AEBP2: variants seen among roughly 807,000 people sequenced by gnomAD.
AEBP2 encodes AE binding protein 2.
In AEBP2, 10 loss-of-function variants were observed where a neutral mutation model predicts 50.8. That is an observed-to-expected ratio of 0.20 (90% CI 0.12 to 0.33). The LOEUF is 0.33. Among genes scored for constraint, AEBP2 ranks in the 10% least tolerant of loss-of-function variants. AEBP2 has a pLI of 1.00. For missense variants in AEBP2, 570 were observed against 688.0 expected, an observed-to-expected ratio of 0.83 and a Z score of 1.92; for synonymous variants, 296 against 261.3, an observed-to-expected ratio of 1.13 and a Z score of -1.28.
intron 5 of AEBP2, among the ~76,000 whole-genome samples, chr12:19,503,335 GTGTGTGTGTGTA>G: frequency 6.6e-6 from 1 of 151,858 alleles, no homozygotes; most frequent in African/African-American, 2.4e-5. Context: ...CTTGGTGTGT[GTGTGTGTGTGTA>G]TGTGTGTGTG....
chr12:19,514,498 G>A (rs1300750061), intron 6 of AEBP2, among the ~76,000 whole-genome samples, 173 bp from the exon 7 acceptor site: 1 of 152,150 alleles, frequency 6.6e-6, no homozygotes, highest in Non-Finnish European at 1.5e-5. Context: ...TCTTATCTGG[G>A]ACTCCAAGTC....
chr12:19,459,204 T>G (rs369747292), intron 1 of AEBP2, among the ~76,000 whole-genome samples: 12 of 152,276 alleles, frequency 7.9e-5, no homozygotes, highest in African/African-American at 2.9e-4. Flanking sequence ...CATTTCAGGG[T>G]TAAGGGCCTC....
At chr12:19,455,311 C>A (rs1453441814) in intron 1 of AEBP2, among the ~76,000 whole-genome samples, 1 of 152,100 alleles carries the variant, frequency 6.6e-6, no homozygotes, top group African/African-American at 2.4e-5. Context: ...ATTTCAATAG[C>A]CCTTTAAGAT....
In AEBP2 at chr12:19,440,380, C is replaced by T. The variant is rs1947930349; in HGVS notation, c.671+10C>T. On this transcript the variant is annotated intron_variant, in intron 1 of 7. Transcript: ENST00000266508. ...TGGACTCGGAGGACAGGTCAGTGCT[C>T]TGAAGCGTTTCCCCTTCCCTTCCTC... The T allele has an allele frequency of 1.4e-6, 2 of 1,475,030 alleles. No individual in the cohort carries two copies. Among genetic ancestry groups the T allele is most frequent in the African/African-American group, 2.8e-5 (2 of 70,806 alleles). The allele number at this position is 1,475,030 out of a possible 1,614,324, so 91.4% of individuals were successfully genotyped here. A position where few individuals can be genotyped will look rare whatever the true frequency, so the allele number is the denominator to read the frequency against.
At chr12:19,460,372 C>A (rs556892406) in intron 1 of AEBP2, among the ~76,000 whole-genome samples, 1 of 152,032 alleles carries the variant, frequency 6.6e-6, no homozygotes, top group Non-Finnish European at 1.5e-5. Flanking sequence ...GACAGAGTCT[C>A]GCTCTGTCGC....
intron 1 of AEBP2, chr12:19,404,336 G>A (rs1441704100): frequency 6.6e-6 from 1 of 152,294 alleles, no homozygotes; most frequent in Non-Finnish European, 1.5e-5. Flanking sequence ...CAACAGCTGG[G>A]TAGGGTTAAG....
intron 1 of AEBP2, among the ~76,000 whole-genome samples, chr12:19,412,016 C>T (rs771127488): frequency 2.0e-5 from 3 of 152,292 alleles, no homozygotes; most frequent in Non-Finnish European, 2.9e-5. Flanking sequence ...GACTCCTGTC[C>T]GTAAGTGCTG....
intron 1 of AEBP2, among the ~76,000 whole-genome samples, chr12:19,414,126 TCG>T (rs1473317079): frequency 6.6e-6 from 1 of 152,060 alleles, no homozygotes; most frequent in Non-Finnish European, 1.5e-5. Flanking sequence ...ACTCCTGACC[TCG>T]TGATCCTCCC....
At chr12:19,446,458 G>T (rs1948068725) in intron 1 of AEBP2, among the ~76,000 whole-genome samples, 2 of 152,078 alleles carry the variant, frequency 1.3e-5, no homozygotes, top group African/African-American at 4.8e-5. Flanking sequence ...GGCGGGACAC[G>T]GTAGCTCACG....
chr12:19,408,051 CA>C (rs111495452), intron 1 of AEBP2, among the ~76,000 whole-genome samples: 147 of 138,118 alleles, frequency 1.1e-3, no homozygotes, highest in African/African-American at 1.2e-3. Context: ...AACTCTGTCT[CA>C]AAAAAAAAAA....
chr12:19,459,968 T>G (rs548949160), intron 1 of AEBP2, among the ~76,000 whole-genome samples: 100 of 152,274 alleles, frequency 6.6e-4, no homozygotes, highest in Non-Finnish European at 1.2e-3. Flanking sequence ...ATGCCTGTAG[T>G]CCCAGTACTT....
At chr12:19,449,725 A>G (rs1048000626) in intron 1 of AEBP2, among the ~76,000 whole-genome samples, 1 of 152,170 alleles carries the variant, frequency 6.6e-6, no homozygotes, top group Non-Finnish European at 1.5e-5. Context: ...AATAGTGGTA[A>G]TATCTTGGTT....
chr12:19,493,653 G>T, intron 3 of AEBP2, 147 bp from the exon 4 acceptor site: 1 of 708,768 alleles, frequency 1.4e-6, no homozygotes. Context: ...AAAGTGAAAA[G>T]ACTACTAGTC....
chr12:19,457,786 T>TAC, intron 1 of AEBP2: 1 of 386,172 alleles, frequency 2.6e-6, no homozygotes, highest in Non-Finnish European at 4.3e-6. Flanking sequence ...CGGGCACTTG[T>TAC]TAGAAATGCT....
At chr12:19,464,530 G>GA (rs1948436820) in intron 2 of AEBP2, among the ~76,000 whole-genome samples, 1 of 151,690 alleles carries the variant, frequency 6.6e-6, no homozygotes, top group Non-Finnish European at 1.5e-5. Context: ...CAGATTTGTA[G>GA]AAAAAATGCA....
At chr12:19,481,254 C>A (rs1424266872) in intron 3 of AEBP2, among the ~76,000 whole-genome samples, 1 of 150,346 alleles carries the variant, frequency 6.7e-6, no homozygotes, top group Non-Finnish European at 1.5e-5. Flanking sequence ...GTGCCCACCA[C>A]CACACCCAGC....
intron 3 of AEBP2, among the ~76,000 whole-genome samples, chr12:19,483,825 A>G (rs997843472): frequency 2.6e-5 from 4 of 152,162 alleles, no homozygotes; most frequent in Admixed American, 2.0e-4. Context: ...AATATGTATC[A>G]TTTTGTACAT....
chr12:19,462,613 A>C lies in AEBP2; in HGVS notation c.775A>C (p.Ile259Leu). The C allele has an allele frequency of 6.2e-7, 1 of 1,613,986 alleles. No homozygotes were observed. The highest frequency in any genetic ancestry group is 2.2e-5 in the East Asian group (1 of 44,878). The change falls in exon 2 of 8, where the codon ATT (isoleucine) becomes CTT (leucine). Residue 259 changes from isoleucine (I) to leucine (L), a missense_variant. Around this residue, in one of 2 missense-constraint regions of AEBP2, gnomAD observed 184 missense variants for 351.2 expected, o/e 0.52. Coordinates refer to ENST00000266508, the MANE Select transcript of AEBP2 (RefSeq NM_153207.5). ...AAGCACTACTTCTTCAAGCAAAAAT[A>C]TTGCCTATAATTGTTGTTGGGACCA... ...QGSTTSSSKN[I>L]AYNCCWDQCQ...
chr12:19,484,250 A>ATTTTTTTTTTTT (rs59403434), intron 3 of AEBP2, among the ~76,000 whole-genome samples: 2 of 107,518 alleles, frequency 1.9e-5, no homozygotes, highest in Non-Finnish European at 1.8e-5. Flanking sequence ...CGCCCAGCCA[A>ATTTTTTTTTTTT]TTTTTTTTTT....
Sources: allele counts gnomAD v4.1 joint callset (sites outside exome capture counted in the v4.1 genomes callset), GRCh38; gene constraint gnomAD v4.1.1; regional missense constraint gnomAD v4.1.1; transcripts MANE v1.5; gene names NCBI Gene and HGNC (gene_info 2026-07-23, HGNC 2026-07-21).